ZSCAN10: variants seen among roughly 807,000 people sequenced by gnomAD.
ZSCAN10 encodes zinc finger and SCAN domain-containing protein 10.
A neutral mutation model predicts 63.7 loss-of-function variants in ZSCAN10; 52 were observed. That is an observed-to-expected ratio of 0.82 (90% confidence interval 0.65 to 1.03). ZSCAN10 has a LOEUF of 1.03. Ranked by LOEUF, ZSCAN10 falls within the 50% of genes least tolerant of loss-of-function variation. ZSCAN10 has a pLI of 0.00. For synonymous variants in ZSCAN10, 544 were observed against 479.6 expected (o/e 1.13, Z -1.76); for missense variants, 1,223 against 1,103.8 (o/e 1.11, Z -1.53).
intron 1 of ZSCAN10, among the ~76,000 whole-genome samples, chr16:3,098,901 G>C (rs774070998): frequency 3.9e-5 from 6 of 152,350 alleles, no homozygotes; most frequent in African/African-American, 1.4e-4. Context: ...CCCTCCGCGT[G>C]CTGGGCTGAG....
At chr16:3,090,890 CAAAA>C (rs398058044) in intron 5 of ZSCAN10, among the ~76,000 whole-genome samples, 2 of 63,754 alleles carry the variant, frequency 3.1e-5, no homozygotes, top group African/African-American at 5.3e-5. Flanking sequence ...CCCGTCTCTA[CAAAA>C]AAAAAAAAAA....
At chr16:3,097,096 CA>C (rs34194103) in intron 1 of ZSCAN10, among the ~76,000 whole-genome samples, 79,105 of 143,066 alleles carry the variant, frequency 0.55, 22,365 homozygotes, top group African/African-American at 0.75. Context: ...GAATCTGTCT[CA>C]AAAAAAAAAA....
At chr16:3,093,181 C>A in intron 1 of ZSCAN10, 177 bp from the exon 2 acceptor site, 1 of 389,430 alleles carries the variant, frequency 2.6e-6, no homozygotes. Context: ...AAAGCAAAGG[C>A]CAGAGAAAAC....
chr16:3,098,071 GAAAGAAAAGA>G (rs1218026527), intron 1 of ZSCAN10, among the ~76,000 whole-genome samples: 6 of 135,244 alleles, frequency 4.4e-5, no homozygotes, highest in African/African-American at 8.3e-5. Flanking sequence ...AAGAAAGAAA[GAAAGAAAAGA>G]AAAGAAAAGA....
Position 3,097,361 on chromosome 16 carries a change from G to A in ZSCAN10, c.-68+1829C>T, listed in dbSNP as rs566233618. On this transcript the variant is annotated intron_variant, in intron 1 of 5. Transcript: ENST00000576985. Reference sequence around the variant, plus strand: ...CTTCCAAGCCCCTCACCCCTACCCCGGCTCCCCTGCATCTCCCAACCTCAG... The same window carrying A: ...CTTCCAAGCCCCTCACCCCTACCCCAGCTCCCCTGCATCTCCCAACCTCAG... Among the ~76,000 whole-genome samples the A allele has an allele frequency of 6.6e-5, 10 of 151,960 alleles. No individual in the cohort carries two copies. The East Asian group carries it at 1.7e-3, about 26-fold the overall frequency.
At position 3,090,387 on chromosome 16, in the gene ZSCAN10, G is replaced by A; in HGVS notation, c.1047C>T (p.Cys349=). 1.9e-6 allele frequency: 3 copies of A among 1,613,552 alleles called. No individual in the cohort carries two copies. The highest frequency in any genetic ancestry group is 2.5e-6 in the Non-Finnish European group (3 of 1,179,956). ...PEPNPELQFI[C]ADCGVSFPQL... ...GCGGGAAGCTCACCCCGCAGTCCGC[G>A]CAGATGAACTGCAACTCCGGATTGG... The change falls in exon 6 of 6, where the codon TGC becomes TGT. Residue 349 remains cysteine (C), a synonymous_variant. Coordinates refer to ENST00000576985, the MANE Select transcript of ZSCAN10 (RefSeq NM_032805.3).
chr16:3,089,384 G>T lies in ZSCAN10; in HGVS notation c.2050C>A (p.His684Asn). The T allele has an allele frequency of 6.2e-7, 1 of 1,603,098 alleles. No homozygotes were observed. The highest frequency in any genetic ancestry group is 8.5e-7 in the Non-Finnish European group (1 of 1,178,490). The change falls in exon 6 of 6, where the codon CAC becomes AAC. Residue 684 changes from histidine (H) to asparagine (N), a missense_variant. Transcript: ENST00000576985. ...CAGCTGTAGGGCCGCTCGCCCGTGT[G>T]GCTGCGGCGATGGCGGGCCAGGTTG... ...SSNLARHRRSHTGERPYSCQT... is the reference protein window; with the variant it reads ...SSNLARHRRSNTGERPYSCQT...
intron 1 of ZSCAN10, among the ~76,000 whole-genome samples, chr16:3,094,740 C>T (rs182495466): frequency 2.4e-4 from 36 of 152,042 alleles, no homozygotes; most frequent in Admixed American, 2.4e-3. Flanking sequence ...GCCTGAGTTA[C>T]TCAGTGTCAT....
At chr16:3,092,025 C>T in intron 3 of ZSCAN10, 24 bp downstream of exon 3, 1 of 1,548,830 alleles carries the variant, frequency 6.5e-7, no homozygotes, top group Non-Finnish European at 8.7e-7. Flanking sequence ...CAGTCCTTGG[C>T]CTCCTAGGGC....
At chr16:3,097,701 G>A (rs937871179) in intron 1 of ZSCAN10, among the ~76,000 whole-genome samples, 1 of 152,184 alleles carries the variant, frequency 6.6e-6, no homozygotes, top group African/African-American at 2.4e-5. Flanking sequence ...ACAGATGAGC[G>A]TATTTCTCTG....
In ZSCAN10 at chr16:3,089,147, G is replaced by A. The variant is rs1957025072; in HGVS notation, c.2287C>T (p.Arg763Cys). 3 of 1,528,584 alleles carry A rather than the reference G, an allele frequency of 2.0e-6. No individual in the cohort carries two copies. Among genetic ancestry groups the A allele is most frequent in the South Asian group, 1.3e-5 (1 of 78,958 alleles). The allele number at this position is 1,528,584 out of a possible 1,614,324, so 94.7% of individuals were successfully genotyped here. ...SCTQCGRSFS[R>C]NSHLLRHLRT... is the part of the protein sequence containing the mutation. Reference sequence around the variant, plus strand: ...AGGTGGCGCAGCAGGTGGGAGTTGCGGCTGAAGCTGCGGCCACACTGCGTG... The same window carrying A: ...AGGTGGCGCAGCAGGTGGGAGTTGCAGCTGAAGCTGCGGCCACACTGCGTG... Residue 763 changes from arginine to cysteine, a missense_variant, in exon 6 of 6, where the codon CGC becomes TGC. By Grantham distance (180) the Arg-to-Cys change is radical. Coordinates refer to ENST00000576985, the MANE Select transcript of ZSCAN10 (RefSeq NM_032805.3).
chr16:3,091,941 C>A (rs2151216050), intron 3 of ZSCAN10, 108 bp downstream of exon 3: 2 of 1,585,056 alleles, frequency 1.3e-6, no homozygotes, highest in East Asian at 2.2e-5. Flanking sequence ...CACCTTGGCG[C>A]TCTCCTGTCC....
chr16:3,090,297 A>T lies in ZSCAN10; in HGVS notation c.1137T>A (p.Leu379=), dbSNP rs779361754. 1 of 1,609,312 alleles carries T rather than the reference A, an allele frequency of 6.2e-7. No homozygotes were observed. Among genetic ancestry groups the T allele is most frequent in the Non-Finnish European group, 8.5e-7 (1 of 1,178,768 alleles). ...SHPAGRSFLC[L]CCGKSFGRSS... ...TGCGGCCGAAGCTCTTCCCGCAGCA[A>T]AGGCACAGGAAGGAGCGCCCAGCCG... The change falls in exon 6 of 6, where the codon CTT becomes CTA. Residue 379 remains leucine (L), a synonymous_variant. Transcript: ENST00000576985.
intron 1 of ZSCAN10, among the ~76,000 whole-genome samples, chr16:3,096,218 A>G (rs72772568): frequency 0.059 from 8,921 of 151,646 alleles, 386 homozygotes; most frequent in Non-Finnish European, 0.088. Flanking sequence ...TTTTCTGAGC[A>G]GAGCAGAGCA....
intron 1 of ZSCAN10, among the ~76,000 whole-genome samples, chr16:3,098,042 CA>C (rs371407228): frequency 3.8e-3 from 169 of 44,462 alleles, no homozygotes; most frequent in Middle Eastern, 0.022. Context: ...GACCCTGTCT[CA>C]AAAAAAAAAA....
In ZSCAN10 at chr16:3,092,523, C is replaced by T. The variant is rs976492305; in HGVS notation, c.396+19G>A. 2.4e-5 allele frequency: 36 copies of T among 1,487,886 alleles called. No individual in the cohort carries two copies. The highest frequency in any genetic ancestry group is 1.8e-4 in the Middle Eastern group (1 of 5,694). The allele number at this position is 1,487,886 out of a possible 1,614,324, so 92.2% of individuals were successfully genotyped here. ...CCCATCATCCGCATGCTGCTCAGCCCGCTGCCCCACCCTCTCACCAGCGGC... is the reference window on the plus strand; with the variant it reads ...CCCATCATCCGCATGCTGCTCAGCCTGCTGCCCCACCCTCTCACCAGCGGC... On this transcript the variant is annotated intron_variant, in intron 2 of 5. Coordinates refer to ENST00000576985, the MANE Select transcript of ZSCAN10 (RefSeq NM_032805.3).
intron 1 of ZSCAN10, among the ~76,000 whole-genome samples, chr16:3,096,640 C>T (rs1371435351): frequency 6.6e-6 from 1 of 152,162 alleles, no homozygotes; most frequent in Non-Finnish European, 1.5e-5. Context: ...AAAAAGGTAA[C>T]CCAGTGGCCG....
chr16:3,097,610 C>T (rs1346769415), intron 1 of ZSCAN10, among the ~76,000 whole-genome samples: 1 of 152,194 alleles, frequency 6.6e-6, no homozygotes, highest in African/African-American at 2.4e-5. Flanking sequence ...ACTACGCTTT[C>T]CTGCCCTCTG....
At chr16:3,093,098 C>A in intron 1 of ZSCAN10, 94 bp from the exon 2 acceptor site, 1 of 953,962 alleles carries the variant, frequency 1.0e-6, no homozygotes, top group Non-Finnish European at 1.4e-6. Context: ...ATACGCAGAC[C>A]CAGAGGAATC....
Sources: gnomAD v4.1 joint callset for allele counts (sites outside exome capture counted in the v4.1 genomes callset) on GRCh38, gnomAD v4.1.1 for gene constraint, MANE v1.5 for transcripts, NCBI Gene and HGNC (gene_info 2026-07-23, HGNC 2026-07-21) for gene names.